The following ZNF234 variants were observed in gnomAD, a reference collection of about 807,000 sequenced individuals.
The protein encoded by ZNF234 is zinc finger protein 234, also known as C2-H2 type zinc finger protein.
ZNF234 carries 4 observed loss-of-function variants against 10.3 expected under a neutral mutation model. The observed-to-expected ratio is 0.39, with a 90% CI of 0.19 to 0.89. ZNF234 has a LOEUF of 0.89. ZNF234 is among the 40% of genes least tolerant of loss of function. The probability of loss-of-function intolerance (pLI) is 0.38; values close to 1 mark genes in which losing one functional copy is unlikely to be tolerated. For synonymous variants in ZNF234, 258 were observed against 280.1 expected, an observed-to-expected ratio of 0.92 and a Z score of 0.79; for missense variants, 711 against 836.1, an observed-to-expected ratio of 0.85 and a Z score of 1.85.
At chr19:44,142,516 ACT>A (rs767505030) in intron 2 of ZNF234, 149 bp downstream of exon 2, 6 of 152,294 alleles carry the variant, frequency 3.9e-5, no homozygotes, top group Middle Eastern at 3.4e-3. Flanking sequence ...CCGCAACGTG[ACT>A]CTGTGGAGAG....
chr19:44,148,697 C>A (rs749892364), intron 3 of ZNF234, 74 bp from the exon 4 acceptor site: 1 of 1,600,088 alleles, frequency 6.2e-7, no homozygotes, highest in Admixed American at 1.7e-5. Context: ...CCTACATACT[C>A]TCCACTTTCT....
At chr19:44,142,179 A>G (rs939929461) in intron 1 of ZNF234, 135 bp from the exon 2 acceptor site, 1 of 152,202 alleles carries the variant, frequency 6.6e-6, no homozygotes, top group African/African-American at 2.4e-5. Flanking sequence ...AGGACGCTGG[A>G]CGATCCCGGA....
intron 4 of ZNF234, 124 bp downstream of exon 4, chr19:44,149,021 A>G: frequency 9.0e-7 from 1 of 1,110,380 alleles, no homozygotes; most frequent in Non-Finnish European, 1.3e-6. Context: ...CTTTCCTATC[A>G]GTAGTTTTTA....
intron 5 of ZNF234, among the ~76,000 whole-genome samples, chr19:44,150,785 C>T (rs1035646400): frequency 1.3e-5 from 2 of 152,116 alleles, no homozygotes; most frequent in African/African-American, 4.8e-5. Flanking sequence ...GTGGCTCATG[C>T]CTGTAATCCA....
intron 3 of ZNF234, among the ~76,000 whole-genome samples, chr19:44,146,362 G>A (rs1384271444): frequency 6.6e-6 from 1 of 152,156 alleles, no homozygotes; most frequent in Non-Finnish European, 1.5e-5. Context: ...GGGTCAAATG[G>A]TATTTCTAGT....
chr19:44,153,106 C>T (rs1387720415), intron 5 of ZNF234, among the ~76,000 whole-genome samples: 2 of 146,712 alleles, frequency 1.4e-5, no homozygotes, highest in African/African-American at 2.5e-5. Flanking sequence ...GAGACTTGTC[C>T]TCCTCAAAAA....
chr19:44,148,742 G>A, intron 3 of ZNF234, 29 bp from the exon 4 acceptor site: 1 of 1,611,920 alleles, frequency 6.2e-7, no homozygotes, highest in East Asian at 2.2e-5. Context: ...TGTTAAAAAG[G>A]CTGAAGTAAG....
chr19:44,157,684 A>G lies in ZNF234; in HGVS notation c.1668A>G (p.Gln556=). 9 of 1,613,650 alleles carry G rather than the reference A, an allele frequency of 5.6e-6. No individual in the cohort carries two copies. The highest frequency in any genetic ancestry group is 7.6e-6 in the Non-Finnish European group (9 of 1,179,900). Residue 556 remains glutamine, a synonymous_variant, in exon 6 of 6, where the codon CAA becomes CAG. Coordinates refer to ENST00000426739, the MANE Select transcript of ZNF234 (RefSeq NM_006630.3). The part of the protein sequence containing the change: ...GKSFSRSAHL[Q]AHQKVHTGEK... ...GCTTCAGTCGGAGTGCACACCTTCA[A>G]GCCCATCAAAAAGTCCACACTGGAG...
At position 44,158,857 on chromosome 19, in the gene ZNF234, G is replaced by T. The variant is rs188452188; in HGVS notation, c.*738G>T. 6.5e-6 allele frequency: 1 copy of T among 152,690 alleles called. No individual in the cohort carries two copies. Among genetic ancestry groups the T allele is most frequent in the Non-Finnish European group, 1.5e-5 (1 of 68,456 alleles). The allele number at this position is 152,690 out of a possible 1,614,324, so 9.5% of individuals were successfully genotyped here. A position where few individuals can be genotyped will look rare whatever the true frequency, so the allele number is the denominator to read the frequency against. ...CCATGGGGGCAGGAACTTTGCTACC[G>T]AATCTATACAACCTTAACATTGACT... On this transcript the variant is annotated 3_prime_UTR_variant, in exon 6 of 6. Transcript: ENST00000426739.
intron 5 of ZNF234, among the ~76,000 whole-genome samples, chr19:44,151,567 A>G (rs894472784): frequency 3.9e-5 from 6 of 152,132 alleles, no homozygotes; most frequent in Non-Finnish European, 7.4e-5. Flanking sequence ...ATAAAAATGT[A>G]TTGTCTTTCA....
intron 5 of ZNF234, among the ~76,000 whole-genome samples, chr19:44,155,451 A>G (rs564648471): frequency 1.2e-4 from 19 of 152,344 alleles, no homozygotes; most frequent in African/African-American, 4.3e-4. Context: ...TTCTTACAAT[A>G]AAGGAAGAAT....
At position 44,148,830 on chromosome 19, in the gene ZNF234, G is replaced by A. The variant is rs750378916; in HGVS notation, c.75G>A (p.Leu25=). 9.3e-6 allele frequency: 15 copies of A among 1,613,926 alleles called. No homozygotes were observed. In the African/African-American group the frequency reaches 1.7e-4, roughly 19 times the overall value. ...TCACTGAGGAGGAGCTGGGGCTGCT[G>A]GACCCTGTCCAGAGGAATCTGTACC... ...VVFTEEELGL[L]DPVQRNLYQD... Residue 25 remains leucine, a synonymous_variant, in exon 4 of 6, where the codon CTG becomes CTA. Transcript: ENST00000426739.
rs999637471 is a variant in ZNF234, at chr19:44,157,384, T to C, written c.1368T>C (p.Phe456=). 4.3e-5 allele frequency: 70 copies of C among 1,613,862 alleles called. No individual in the cohort carries two copies. The highest frequency in any genetic ancestry group is 5.7e-5 in the Non-Finnish European group (67 of 1,179,900). Reference sequence around the variant, plus strand: ...AAGCACATAGTGTACAGAAACCTTTTAAGTGTGAAGAGTGTGGGCAGGGCT... The same window carrying C: ...AAGCACATAGTGTACAGAAACCTTTCAAGTGTGAAGAGTGTGGGCAGGGCT... ...HLKAHSVQKP[F]KCEECGQGFN... is the part of the protein sequence containing the mutation. The change falls in exon 6 of 6, where the codon TTT becomes TTC. Residue 456 remains phenylalanine (F), a synonymous_variant. Transcript: ENST00000426739.
At chr19:44,146,890 A>G (rs1201603128) in intron 3 of ZNF234, among the ~76,000 whole-genome samples, 1 of 137,280 alleles carries the variant, frequency 7.3e-6, no homozygotes, top group Non-Finnish European at 1.5e-5. Context: ...ATCACGGCTC[A>G]CTGCAACCTA....
intron 2 of ZNF234, among the ~76,000 whole-genome samples, chr19:44,144,110 T>C (rs1440417277): frequency 6.7e-6 from 1 of 149,902 alleles, no homozygotes; most frequent in Non-Finnish European, 1.5e-5. Context: ...CATCATCATT[T>C]AGTTTAGATC....
chr19:44,141,595 A>G lies in ZNF234; in HGVS notation c.-269A>G, dbSNP rs4802210. On this transcript the variant is annotated 5_prime_UTR_variant, in exon 1 of 6. Coordinates refer to ENST00000426739, the MANE Select transcript of ZNF234 (RefSeq NM_006630.3). This position sits in a 1 kb window ranked among gnomAD's most constrained non-coding sequence, Gnocchi z 4.6. ...CTTCCGCTCCAGGGAAGAGGGGGCG[A>G]TTGTCACGGCACATTCCACGGTAGT... 0.51 allele frequency: 77,315 copies of G among 152,194 alleles called. 22,090 individuals are homozygous for G. The highest frequency in any genetic ancestry group is 0.79 in the African/African-American group (32,792 of 41,538). The allele number at this position is 152,194 out of a possible 1,614,324, so 9.4% of individuals were successfully genotyped here. A position where few individuals can be genotyped will look rare whatever the true frequency, so the allele number is the denominator to read the frequency against.
At chr19:44,148,618 T>C in intron 3 of ZNF234, 153 bp from the exon 4 acceptor site, 4 of 1,040,290 alleles carry the variant, frequency 3.8e-6, no homozygotes, top group South Asian at 1.3e-5. Context: ...AAGTGTGGCA[T>C]TGGTAAGATG....
At chr19:44,145,474 C>T (rs1260088197) in intron 3 of ZNF234, among the ~76,000 whole-genome samples, 1 of 152,184 alleles carries the variant, frequency 6.6e-6, no homozygotes, top group East Asian at 1.9e-4. Flanking sequence ...GTCACCACAA[C>T]CTCTGCCTTC....
intron 3 of ZNF234, among the ~76,000 whole-genome samples, chr19:44,147,183 A>G (rs560216132): frequency 1.3e-5 from 2 of 152,152 alleles, no homozygotes; most frequent in Non-Finnish European, 2.9e-5. Context: ...TTATGTGGTC[A>G]TAATTTTTAA....
Sources: allele counts gnomAD v4.1 joint callset (sites outside exome capture counted in the v4.1 genomes callset), GRCh38; gene constraint gnomAD v4.1.1; non-coding constraint Gnocchi (gnomAD v3.1); transcripts MANE v1.5; gene names NCBI Gene and HGNC (gene_info 2026-07-23, HGNC 2026-07-21).